TLL1: variants seen among roughly 807,000 people sequenced by gnomAD.
The protein encoded by TLL1 is tolloid-like protein 1.
TLL1 carries 49 observed loss-of-function variants against 128.2 expected under a neutral mutation model. The observed-to-expected ratio is 0.38, with a 90% confidence interval of 0.30 to 0.48. The LOEUF (loss-of-function observed/expected upper bound fraction) is 0.48. Among genes scored for constraint, TLL1 ranks in the 20% least tolerant of loss-of-function variants. The probability of loss-of-function intolerance (pLI) is 0.96; values close to 1 mark genes in which losing one functional copy is unlikely to be tolerated. For synonymous variants in TLL1, 454 were observed against 418.8 expected (o/e 1.08, Z -1.03); for missense variants, 1,123 against 1,242.0 (o/e 0.90, Z 1.44).
chr4:165,880,527 A>C (rs1045452487), intron 1 of TLL1, among the ~76,000 whole-genome samples: 4 of 152,196 alleles, frequency 2.6e-5, no homozygotes. Context: ...AGTGCTCTAA[A>C]TATATTATTT....
chr4:165,965,643 G>A (rs1196448637), intron 1 of TLL1, among the ~76,000 whole-genome samples: 2 of 152,166 alleles, frequency 1.3e-5, no homozygotes, highest in Non-Finnish European at 1.5e-5. Context: ...GAGGAGATGG[G>A]CACCTTCATG....
At position 166,043,395 on chromosome 4, in the gene TLL1, C is replaced by G; in HGVS notation, c.1500C>G (p.Val500=). ...TAACAGTGTCTGAGAGCTACCACGTCGGGCTGACCTTTCAGTCCTTTGAGG... is the reference window on the plus strand; with the variant it reads ...TAACAGTGTCTGAGAGCTACCACGTGGGGCTGACCTTTCAGTCCTTTGAGG... ...WKITVSESYH[V]GLTFQSFEIE... is the part of the protein sequence containing the mutation. Residue 500 remains valine (V), a synonymous_variant, in exon 12 of 21, where the codon GTC becomes GTG. Transcript: ENST00000061240. 1.2e-6 allele frequency: 2 copies of G among 1,614,084 alleles called. No homozygotes were observed. Among genetic ancestry groups the G allele is most frequent in the Non-Finnish European group, 1.7e-6 (2 of 1,179,966 alleles).
At chr4:165,972,344 GC>G (rs1457963521) in intron 1 of TLL1, among the ~76,000 whole-genome samples, 5 of 152,142 alleles carry the variant, frequency 3.3e-5, no homozygotes, top group Admixed American at 6.5e-5. Flanking sequence ...ATGACTGTTG[GC>G]ACCTTTGTGG....
chr4:165,915,829 T>C (rs1732753598), intron 1 of TLL1, among the ~76,000 whole-genome samples: 1 of 152,186 alleles, frequency 6.6e-6, no homozygotes, highest in Non-Finnish European at 1.5e-5. Flanking sequence ...GTATTGTATT[T>C]GGTAACTGGC....
At chr4:165,961,604 A>G (rs1030499499) in intron 1 of TLL1, among the ~76,000 whole-genome samples, 1 of 152,202 alleles carries the variant, frequency 6.6e-6, no homozygotes, top group Non-Finnish European at 1.5e-5. Flanking sequence ...ATAGCATGGT[A>G]CTGGTACAAA....
intron 18 of TLL1, among the ~76,000 whole-genome samples, chr4:166,079,737 A>G (rs921814373): frequency 3.3e-5 from 5 of 152,122 alleles, no homozygotes; most frequent in Admixed American, 3.3e-4. Flanking sequence ...ATTTCTTCAT[A>G]TAATTCATCT....
intron 1 of TLL1, among the ~76,000 whole-genome samples, chr4:165,890,519 TA>T (rs1189929797): frequency 2.6e-5 from 4 of 152,186 alleles, no homozygotes; most frequent in African/African-American, 4.8e-5. Flanking sequence ...TGGGAGAAAT[TA>T]GCCAAAACAT....
In TLL1 at chr4:166,091,291, T is replaced by C. The variant is rs761192419; in HGVS notation, c.2606T>C (p.Val869Ala). 1.2e-6 allele frequency: 2 copies of C among 1,612,956 alleles called. No homozygotes were observed. The highest frequency in any genetic ancestry group is 1.7e-6 in the Non-Finnish European group (2 of 1,179,416). Reference protein sequence around the residue: ...ATGNKMFVRFVSDASVQRKGF... With the variant: ...ATGNKMFVRFASDASVQRKGF... ...GGAAATAAAATGTTTGTTCGGTTTG[T>C]TTCTGATGCATCTGTTCAAAGAAAA... The change falls in exon 19 of 21, where the codon GTT becomes GCT. Residue 869 changes from valine (V) to alanine (A), a missense_variant. Transcript: ENST00000061240.
intron 1 of TLL1, among the ~76,000 whole-genome samples, chr4:165,908,689 ACTTTTAG>A (rs1561021800): frequency 1.3e-5 from 2 of 152,140 alleles, no homozygotes; most frequent in African/African-American, 4.8e-5. Context: ...GAGGGACTCA[ACTTTTAG>A]CTTTTTAAAT....
intron 17 of TLL1, among the ~76,000 whole-genome samples, chr4:166,076,449 A>G (rs573432556): frequency 2.0e-5 from 3 of 152,318 alleles, no homozygotes; most frequent in East Asian, 3.9e-4. Context: ...TAGATTATAC[A>G]TGTAGCCTGT....
chr4:165,880,545 A>G (rs1442406309), intron 1 of TLL1, among the ~76,000 whole-genome samples: 1 of 152,174 alleles, frequency 6.6e-6, no homozygotes, highest in Non-Finnish European at 1.5e-5. Flanking sequence ...TTTTTTCCCA[A>G]TCAAAATCTA....
intron 1 of TLL1, among the ~76,000 whole-genome samples, chr4:165,912,196 T>C (rs1200937606): frequency 2.0e-5 from 3 of 152,128 alleles, no homozygotes; most frequent in African/African-American, 7.2e-5. Context: ...ACAATAGTCT[T>C]TCTGTTGGAA....
intron 2 of TLL1, among the ~76,000 whole-genome samples, chr4:165,991,861 G>A (rs1736650031): frequency 6.6e-6 from 1 of 151,962 alleles, no homozygotes; most frequent in African/African-American, 2.4e-5. Context: ...ATAGGCACTT[G>A]TTAAGATGTC....
intron 1 of TLL1, among the ~76,000 whole-genome samples, chr4:165,984,527 C>T (rs1244044335): frequency 6.6e-6 from 1 of 151,916 alleles, no homozygotes; most frequent in Admixed American, 6.6e-5. Flanking sequence ...GTGAGCAAGA[C>T]CGGTCAGAGC....
intron 1 of TLL1, among the ~76,000 whole-genome samples, chr4:165,977,246 C>A (rs958611205): frequency 6.6e-6 from 1 of 152,080 alleles, no homozygotes; most frequent in African/African-American, 2.4e-5. Flanking sequence ...TCATGGGGGG[C>A]AGTTTCCCCC....
rs1208851445 is a variant in TLL1 at position 166,099,527 on chromosome 4, G to A, written c.2907G>A (p.Gly969=). ...AVGLGRFCGS[G]PPEEIYSIGD... is the part of the protein sequence containing the mutation. ...GGCTTGGTCGATTCTGTGGATCCGG[G>A]GTAAATATACCACCAACAGAATACC... Residue 969 remains glycine (G), a splice_region_variant and synonymous_variant, in exon 20 of 21, where the codon GGG becomes GGA. Transcript: ENST00000061240. 1 of 1,612,496 alleles carries A rather than the reference G, an allele frequency of 6.2e-7. No individual in the cohort carries two copies. The highest frequency in any genetic ancestry group is 8.5e-7 in the Non-Finnish European group (1 of 1,179,468).
At chr4:165,902,287 G>A (rs1397007079) in intron 1 of TLL1, among the ~76,000 whole-genome samples, 1 of 139,808 alleles carries the variant, frequency 7.2e-6, no homozygotes, top group African/African-American at 2.7e-5. Context: ...GTGCCACCAG[G>A]TTATGAAAAA....
In TLL1 at chr4:166,043,401, G is replaced by A. The variant is rs1026868933; in HGVS notation, c.1506G>A (p.Leu502=). 1.2e-6 allele frequency: 2 copies of A among 1,613,944 alleles called. No homozygotes were observed. Among genetic ancestry groups the A allele is most frequent in the Admixed American group, 3.3e-5 (2 of 59,998 alleles). The change falls in exon 12 of 21, where the codon CTG becomes CTA. Residue 502 remains leucine, a synonymous_variant. Transcript: ENST00000061240. Reference sequence around the variant, plus strand: ...TGTCTGAGAGCTACCACGTCGGGCTGACCTTTCAGTCCTTTGAGGTAAAGT... The same window carrying A: ...TGTCTGAGAGCTACCACGTCGGGCTAACCTTTCAGTCCTTTGAGGTAAAGT... ...ITVSESYHVG[L]TFQSFEIERH...
intron 18 of TLL1, among the ~76,000 whole-genome samples, chr4:166,088,238 G>C (rs899395783): frequency 1.3e-5 from 2 of 152,036 alleles, no homozygotes; most frequent in Non-Finnish European, 2.9e-5. Flanking sequence ...ATTGGTTCCT[G>C]GTGGTTGGAA....
Sources: gnomAD v4.1 joint callset for allele counts (sites outside exome capture counted in the v4.1 genomes callset) on GRCh38, gnomAD v4.1.1 for gene constraint, MANE v1.5 for transcripts, NCBI Gene and HGNC (gene_info 2026-07-23, HGNC 2026-07-21) for gene names.